NRXN3: variants seen among roughly 807,000 people sequenced by gnomAD.
The protein encoded by NRXN3 is neurexin III.
A neutral mutation model predicts 137.6 loss-of-function variants in NRXN3; 32 were observed. That is an observed-to-expected ratio of 0.23 (90% confidence interval 0.18 to 0.31). The LOEUF is 0.31. Among genes scored for constraint, NRXN3 ranks in the 10% least tolerant of loss-of-function variants. NRXN3 has a pLI of 1.00. For missense variants in NRXN3, 1,574 were observed against 2,062.5 expected (o/e 0.76, Z 4.59); for synonymous variants, 798 against 784.5 (o/e 1.02, Z -0.29).
chr14:78,604,846 A>G (rs2097234746), intron 4 of NRXN3, among the ~76,000 whole-genome samples: 1 of 152,224 alleles, frequency 6.6e-6, no homozygotes, highest in Non-Finnish European at 1.5e-5. Flanking sequence ...AATGATAACA[A>G]TAAAGATCCA....
intron 15 of NRXN3, among the ~76,000 whole-genome samples, chr14:79,267,488 GC>G (rs1478057042): frequency 2.0e-5 from 3 of 151,984 alleles, no homozygotes; most frequent in African/African-American, 7.2e-5. Flanking sequence ...TTCCCTAGTA[GC>G]TGGGATTACA....
In NRXN3 at chr14:79,559,883, TAGGGACTTCC is replaced by T. The variant is rs2097473063; in HGVS notation, c.3444+92486_3444+92495del. On this transcript the variant is annotated intron_variant, in intron 16 of 20. Coordinates refer to ENST00000335750, the MANE Select transcript of NRXN3 (RefSeq NM_001330195.2). ...ATGTACTTGGAAAAAGTGTACATGC[TAGGGACTTCC>T]AGGGCAGCTTGCATCCCTGAGGACG... is the stretch of plus-strand genomic sequence containing the variant. 2.0e-5 allele frequency among the ~76,000 whole-genome samples: 3 copies of T among 152,260 alleles called. No homozygotes were observed. In the East Asian group the frequency reaches 5.8e-4, roughly 29 times the overall value.
chr14:78,886,795 G>A (rs1456801845), intron 10 of NRXN3, among the ~76,000 whole-genome samples: 6 of 152,144 alleles, frequency 3.9e-5, no homozygotes, highest in Non-Finnish European at 2.9e-5. Context: ...ATCTGTGCTA[G>A]TGATACCCCA....
At chr14:78,180,572 G>A (rs1403547179) in intron 1 of NRXN3, among the ~76,000 whole-genome samples, 3 of 152,162 alleles carry the variant, frequency 2.0e-5, no homozygotes, top group African/African-American at 7.2e-5. Context: ...GGTAAATGGT[G>A]GAGCTGGAAT....
At chr14:79,084,976 T>A (rs1402236244) in intron 15 of NRXN3, among the ~76,000 whole-genome samples, 1 of 152,160 alleles carries the variant, frequency 6.6e-6, no homozygotes, top group East Asian at 1.9e-4. Flanking sequence ...GCATTAAGGC[T>A]TAAGAGCTGA....
At chr14:78,436,411 T>G (rs546461095) in intron 4 of NRXN3, among the ~76,000 whole-genome samples, 1 of 152,228 alleles carries the variant, frequency 6.6e-6, no homozygotes, top group African/African-American at 2.4e-5. Context: ...GTGAATACTG[T>G]TATTATCCTT....
At chr14:78,683,960 A>C (rs982594393) in intron 6 of NRXN3, among the ~76,000 whole-genome samples, 1 of 152,204 alleles carries the variant, frequency 6.6e-6, no homozygotes, top group African/African-American at 2.4e-5. Flanking sequence ...ATTTATGTAA[A>C]CCATTTTTAA....
chr14:79,624,811 T>G (rs907322598), intron 16 of NRXN3, among the ~76,000 whole-genome samples: 2 of 147,802 alleles, frequency 1.4e-5, no homozygotes, highest in African/African-American at 5.2e-5. Context: ...TTGTTTGTTT[T>G]TGTTTTTTTT....
intron 19 of NRXN3, among the ~76,000 whole-genome samples, chr14:79,755,576 C>G (rs1440855952): frequency 7.3e-5 from 11 of 150,412 alleles, no homozygotes; most frequent in Non-Finnish European, 1.0e-4. Context: ...TCTTTCTCTA[C>G]AACTCATTCT....
At chr14:79,449,153 G>A (rs776047024) in intron 15 of NRXN3, among the ~76,000 whole-genome samples, 4 of 152,078 alleles carry the variant, frequency 2.6e-5, no homozygotes, top group African/African-American at 7.2e-5. Flanking sequence ...CATCATGTCC[G>A]CCTCCTGCAT....
At chr14:79,449,819 G>T (rs375190935) in intron 15 of NRXN3, among the ~76,000 whole-genome samples, 4 of 151,572 alleles carry the variant, frequency 2.6e-5, no homozygotes, top group Non-Finnish European at 5.9e-5. Context: ...GTGAAACCCC[G>T]TCTCTACTAA....
chr14:79,680,906 A>G (rs986663586), intron 17 of NRXN3, among the ~76,000 whole-genome samples: 18 of 152,054 alleles, frequency 1.2e-4, no homozygotes, highest in African/African-American at 4.3e-4. Context: ...ACTTAACTCT[A>G]CTCATTATCG....
intron 15 of NRXN3, among the ~76,000 whole-genome samples, chr14:79,447,629 T>C (rs1448903830): frequency 6.6e-6 from 1 of 152,240 alleles, no homozygotes; most frequent in African/African-American, 2.4e-5. Context: ...GTCTCTACTA[T>C]ACTAGAACCC....
At chr14:79,625,866 T>C (rs1238804243) in intron 16 of NRXN3, among the ~76,000 whole-genome samples, 1 of 152,202 alleles carries the variant, frequency 6.6e-6, no homozygotes, top group Admixed American at 6.5e-5. Flanking sequence ...CTCTGTAGAC[T>C]TGGGCCGGCA....
intron 4 of NRXN3, among the ~76,000 whole-genome samples, chr14:78,395,288 C>T (rs991611713): frequency 6.6e-6 from 1 of 151,646 alleles, no homozygotes; most frequent in African/African-American, 2.4e-5. Context: ...TTGAGACTTC[C>T]TTTTTGACTT....
intron 4 of NRXN3, among the ~76,000 whole-genome samples, chr14:78,596,771 A>G (rs2097161011): frequency 6.6e-6 from 1 of 152,188 alleles, no homozygotes; most frequent in African/African-American, 2.4e-5. Context: ...TCCTTTGTTC[A>G]CTTCCTTGCA....
intron 4 of NRXN3, among the ~76,000 whole-genome samples, chr14:78,441,043 G>A (rs1032376760): frequency 6.6e-6 from 1 of 152,098 alleles, no homozygotes; most frequent in African/African-American, 2.4e-5. Context: ...CTCCTGTCCT[G>A]AAGGCTGCAC....
At chr14:78,387,818 T>C (rs776174934) in intron 4 of NRXN3, among the ~76,000 whole-genome samples, 18 of 152,336 alleles carry the variant, frequency 1.2e-4, no homozygotes, top group Non-Finnish European at 2.2e-4. Context: ...TGTAGTCTTA[T>C]GTTTTTGTGG....
chr14:78,242,146 T>C (rs2067159858), intron 1 of NRXN3, among the ~76,000 whole-genome samples: 1 of 152,176 alleles, frequency 6.6e-6, no homozygotes, highest in African/African-American at 2.4e-5. Context: ...CTGATATGGC[T>C]TTGGGGATTT....
Sources: allele counts gnomAD v4.1 joint callset (sites outside exome capture counted in the v4.1 genomes callset), GRCh38; gene constraint gnomAD v4.1.1; transcripts MANE v1.5; gene names NCBI Gene and HGNC (gene_info 2026-07-23, HGNC 2026-07-21).